The following DACH1 variants were observed in gnomAD, a reference collection of about 807,000 sequenced individuals.
The protein encoded by DACH1 is dachshund family transcription factor 1, also known as dachshund homolog 1.
DACH1 carries 12 observed loss-of-function variants against 54.2 expected under a neutral mutation model. The ratio of observed to expected loss-of-function variants is 0.22; its 90% CI spans 0.14 to 0.36. DACH1 has a LOEUF of 0.36. DACH1 is among the 10% of genes least tolerant of loss of function. The pLI, the probability that DACH1 is intolerant of heterozygous loss-of-function variation, is 1.00. For missense variants in DACH1, 805 were observed against 929.8 expected (o/e 0.87, Z 1.75); for synonymous variants, 386 against 366.2 (o/e 1.05, Z -0.62).
rs571312539 is a variant in DACH1, at chr13:71,526,263, C to T, written c.1570+30761G>A. 3.3e-5 allele frequency among the ~76,000 whole-genome samples: 5 copies of T among 152,154 alleles called. No homozygotes were observed. In the South Asian group the frequency reaches 1.0e-3, roughly 32 times the overall value. The stretch of plus-strand genomic sequence containing the variant: ...AAATACATTCATCCTTTTACAAATA[C>T]CATATATTTTACCAGCTGTGCCTTT... On this transcript the variant is annotated intron_variant, in intron 6 of 10. Coordinates refer to ENST00000613252, the MANE Select transcript of DACH1 (RefSeq NM_080759.6).
intron 1 of DACH1, among the ~76,000 whole-genome samples, chr13:71,702,550 G>A (rs920010796): frequency 1.3e-5 from 2 of 151,876 alleles, no homozygotes; most frequent in South Asian, 2.1e-4. Flanking sequence ...ATATTGTCAC[G>A]CAAAAGGTAG....
chr13:71,714,500 T>C (rs534678302), intron 1 of DACH1, among the ~76,000 whole-genome samples: 2 of 152,214 alleles, frequency 1.3e-5, no homozygotes, highest in African/African-American at 4.8e-5. Flanking sequence ...TAGTTATTAG[T>C]TGAAATTCAT....
chr13:71,824,268 G>T (rs1179452144), intron 1 of DACH1, among the ~76,000 whole-genome samples: 1 of 151,596 alleles, frequency 6.6e-6, no homozygotes, highest in Non-Finnish European at 1.5e-5. Context: ...AGATGAGTCA[G>T]GAGGGACTCA....
At chr13:71,864,173 GCGCA>G (rs1874544709) in intron 1 of DACH1, among the ~76,000 whole-genome samples, 3 of 105,868 alleles carry the variant, frequency 2.8e-5, no homozygotes, top group South Asian at 6.7e-4. Flanking sequence ...GAGCGCGCGC[GCGCA>G]CATACACACA....
chr13:71,572,631 T>C (rs971250483), intron 4 of DACH1, among the ~76,000 whole-genome samples: 3 of 152,114 alleles, frequency 2.0e-5, no homozygotes, highest in Non-Finnish European at 2.9e-5. Context: ...TTCTCTATCT[T>C]AATAGATATA....
At chr13:71,831,798 C>T (rs1000903682) in intron 1 of DACH1, among the ~76,000 whole-genome samples, 1 of 151,974 alleles carries the variant, frequency 6.6e-6, no homozygotes, top group African/African-American at 2.4e-5. Flanking sequence ...AGCAGGGAAA[C>T]TGTATAGTTT....
At chr13:71,443,053 AT>A (rs1336417927) in intron 10 of DACH1, among the ~76,000 whole-genome samples, 1 of 148,404 alleles carries the variant, frequency 6.7e-6, no homozygotes, top group Non-Finnish European at 1.5e-5. Context: ...AATTATATAT[AT>A]AATTATATAT....
At chr13:71,524,037 T>C (rs1394569877) in intron 6 of DACH1, among the ~76,000 whole-genome samples, 1 of 152,152 alleles carries the variant, frequency 6.6e-6, no homozygotes, top group African/African-American at 2.4e-5. Context: ...CGTATTTACT[T>C]CATGTAATTA....
chr13:71,572,698 C>T (rs1885287645), intron 4 of DACH1, 142 bp downstream of exon 4: 1 of 872,182 alleles, frequency 1.1e-6, no homozygotes, highest in African/African-American at 1.7e-5. Flanking sequence ...GGGCCATTTG[C>T]TACAAGTGAT....
intron 1 of DACH1, among the ~76,000 whole-genome samples, chr13:71,777,636 C>T (rs544540994): frequency 3.4e-4 from 52 of 152,074 alleles, no homozygotes; most frequent in Non-Finnish European, 6.3e-4. Context: ...CTAATCCAAA[C>T]GCCAAACTTG....
chr13:71,679,410 T>C (rs1468174845), intron 2 of DACH1, among the ~76,000 whole-genome samples: 1 of 152,144 alleles, frequency 6.6e-6, no homozygotes, highest in Non-Finnish European at 1.5e-5. Flanking sequence ...ATCATTACTT[T>C]GGTAATGAAC....
chr13:71,716,034 A>G (rs2138789909), intron 1 of DACH1, among the ~76,000 whole-genome samples: 1 of 152,120 alleles, frequency 6.6e-6, no homozygotes, highest in African/African-American at 2.4e-5. Flanking sequence ...TCTACCTTAA[A>G]CCTGCACCTC....
chr13:71,751,550 T>C lies in DACH1; in HGVS notation c.849-69640A>G, dbSNP rs540525623. On this transcript the variant is annotated intron_variant, in intron 1 of 10. Transcript: ENST00000613252. ...ACAGAAATTATTTTATAATTACATC[T>C]TACATGTTGATTCACCAGAAATAAA... is the stretch of plus-strand genomic sequence containing the variant. Among the ~76,000 whole-genome samples the C allele has an allele frequency of 2.8e-4, 42 of 152,320 alleles. No homozygotes were observed. The South Asian group carries it at 8.5e-3, about 31-fold the overall frequency.
chr13:71,704,570 C>A (rs945335815), intron 1 of DACH1: 1 of 471,100 alleles, frequency 2.1e-6, no homozygotes, highest in Admixed American at 2.3e-5. Context: ...CACCAGCCTG[C>A]TCCACCCAGA....
chr13:71,452,252 C>T (rs1016965153), intron 10 of DACH1, among the ~76,000 whole-genome samples: 4 of 152,004 alleles, frequency 2.6e-5, no homozygotes, highest in African/African-American at 7.2e-5. Context: ...GTAGGCCTCC[C>T]GAGTAGCTGG....
intron 6 of DACH1, among the ~76,000 whole-genome samples, chr13:71,489,596 G>A (rs1421537565): frequency 6.6e-6 from 1 of 151,902 alleles, no homozygotes; most frequent in African/African-American, 2.4e-5. Context: ...TTATATCAAT[G>A]TTTGTTCAAA....
At chr13:71,783,354 C>G (rs565508262) in intron 1 of DACH1, among the ~76,000 whole-genome samples, 1 of 152,162 alleles carries the variant, frequency 6.6e-6, no homozygotes, top group South Asian at 2.1e-4. Flanking sequence ...GGAAAAGGTA[C>G]TTAATATTCC....
chr13:71,762,040 TTTCC>T (rs1885419672), intron 1 of DACH1, among the ~76,000 whole-genome samples: 1 of 152,186 alleles, frequency 6.6e-6, no homozygotes, highest in South Asian at 2.1e-4. Context: ...AACTAATTTT[TTTCC>T]TCACTACAAC....
chr13:71,775,840 A>G (rs1026137881), intron 1 of DACH1, among the ~76,000 whole-genome samples: 6 of 152,154 alleles, frequency 3.9e-5, no homozygotes, highest in Non-Finnish European at 8.8e-5. Flanking sequence ...ATACATTAAA[A>G]AATTCCTAGA....
Sources: allele counts gnomAD v4.1 joint callset (sites outside exome capture counted in the v4.1 genomes callset), GRCh38; gene constraint gnomAD v4.1.1; transcripts MANE v1.5; gene names NCBI Gene and HGNC (gene_info 2026-07-23, HGNC 2026-07-21).